The following ANKFN1 variants were observed in gnomAD, a reference collection of about 807,000 sequenced individuals.
The protein encoded by ANKFN1 is ankyrin repeat and fibronectin type-III domain-containing protein 1.
A neutral mutation model predicts 108.7 loss-of-function variants in ANKFN1; 74 were observed. The ratio of observed to expected loss-of-function variants is 0.68; its 90% CI spans 0.56 to 0.83. The LOEUF (loss-of-function observed/expected upper bound fraction) is 0.83, where lower values mean the gene tolerates loss of function less well. Ranked by LOEUF, ANKFN1 falls within the 40% of genes least tolerant of loss-of-function variation. ANKFN1 has a pLI of 0.00. For missense variants in ANKFN1, 1,505 were observed against 1,382.3 expected, an observed-to-expected ratio of 1.09 and a Z score of -1.41; for synonymous variants, 547 against 516.2, an observed-to-expected ratio of 1.06 and a Z score of -0.81.
intron 8 of ANKFN1, among the ~76,000 whole-genome samples, chr17:56,399,685 G>A (rs187473184): frequency 2.7e-4 from 41 of 151,668 alleles, no homozygotes; most frequent in Middle Eastern, 3.4e-3. Context: ...ATGCCTTTGC[G>A]TCCTGATAGC....
intron 4 of ANKFN1, among the ~76,000 whole-genome samples, chr17:56,099,395 C>G (rs149749508): frequency 1.2e-3 from 186 of 152,252 alleles, no homozygotes; most frequent in African/African-American, 4.1e-3. Flanking sequence ...TCTTAGAATT[C>G]CAAGCTTTCC....
At chr17:56,500,188 C>T (rs780555377) in intron 20 of ANKFN1, among the ~76,000 whole-genome samples, 2 of 152,142 alleles carry the variant, frequency 1.3e-5, no homozygotes, top group Non-Finnish European at 2.9e-5. Flanking sequence ...TGATGCATGT[C>T]ATATAATAGA....
At chr17:56,230,521 C>A (rs1916654737) in intron 3 of ANKFN1, among the ~76,000 whole-genome samples, 1 of 152,094 alleles carries the variant, frequency 6.6e-6, no homozygotes, top group Non-Finnish European at 1.5e-5. Flanking sequence ...CCTTGGGATT[C>A]TGGTGGCAAG....
chr17:56,390,554 A>G (rs2332648), intron 8 of ANKFN1, among the ~76,000 whole-genome samples: 88,297 of 152,062 alleles, frequency 0.58, 28,844 homozygotes, highest in East Asian at 0.96. Flanking sequence ...TCTTTTGGGT[A>G]TATACCCAGT....
At chr17:56,230,620 TTC>T (rs1376098072) in intron 3 of ANKFN1, among the ~76,000 whole-genome samples, 1 of 152,060 alleles carries the variant, frequency 6.6e-6, no homozygotes, top group Non-Finnish European at 1.5e-5. Flanking sequence ...TGCACCCACA[TTC>T]TTTCTTTTCT....
chr17:56,248,948 G>A (rs774479820), intron 3 of ANKFN1, among the ~76,000 whole-genome samples: 3 of 152,124 alleles, frequency 2.0e-5, no homozygotes, highest in Non-Finnish European at 4.4e-5. Context: ...AACTTAATCC[G>A]GCTGGAGTGA....
At chr17:56,073,055 G>C (rs1009997912) in intron 4 of ANKFN1, among the ~76,000 whole-genome samples, 2 of 151,534 alleles carry the variant, frequency 1.3e-5, no homozygotes, top group African/African-American at 4.9e-5. Flanking sequence ...TGCAGTGGCG[G>C]GATCTCGGCT....
chr17:56,348,257 A>G (rs1457669775), intron 4 of ANKFN1, among the ~76,000 whole-genome samples: 1 of 152,136 alleles, frequency 6.6e-6, no homozygotes, highest in East Asian at 1.9e-4. Flanking sequence ...AAACATACAC[A>G]TACATACACA....
intron 1 of ANKFN1, among the ~76,000 whole-genome samples, chr17:56,188,581 G>GTATATATATATATATATATATATA (rs61556880): frequency 1.2e-4 from 6 of 49,650 alleles, no homozygotes; most frequent in Admixed American, 2.8e-4. Flanking sequence ...GTGTGTGTGT[G>GTATATATATATATATATATATATA]TATATATATA....
At chr17:56,102,451 T>C (rs890719332) in intron 4 of ANKFN1, among the ~76,000 whole-genome samples, 1 of 152,212 alleles carries the variant, frequency 6.6e-6, no homozygotes, top group South Asian at 2.1e-4. Context: ...TTTACAGCAA[T>C]ATTACATAAA....
intron 4 of ANKFN1, among the ~76,000 whole-genome samples, chr17:56,331,652 C>T (rs1326549315): frequency 6.6e-6 from 1 of 152,162 alleles, no homozygotes; most frequent in African/African-American, 2.4e-5. Context: ...TCAAATCCTG[C>T]TGCTCCATTT....
At chr17:56,498,667 A>G (rs181091042) in intron 19 of ANKFN1, among the ~76,000 whole-genome samples, 107 of 152,288 alleles carry the variant, frequency 7.0e-4, no homozygotes, top group African/African-American at 2.4e-3. Flanking sequence ...TACTATTTTC[A>G]CTAAATGACA....
At chr17:56,409,647 C>G (rs923065891) in intron 8 of ANKFN1, among the ~76,000 whole-genome samples, 3 of 152,180 alleles carry the variant, frequency 2.0e-5, no homozygotes, top group African/African-American at 7.2e-5. Flanking sequence ...TTAACTGAGA[C>G]TCAAATGGAC....
At chr17:56,078,498 G>C (rs58719900) in intron 4 of ANKFN1, among the ~76,000 whole-genome samples, 1,801 of 152,242 alleles carry the variant, frequency 0.012, 36 homozygotes, top group African/African-American at 0.04. Flanking sequence ...TTTGTTAGCT[G>C]TCCATAGTCT....
At chr17:56,072,799 G>A (rs1347401087) in intron 4 of ANKFN1, among the ~76,000 whole-genome samples, 1 of 152,144 alleles carries the variant, frequency 6.6e-6, no homozygotes, top group Non-Finnish European at 1.5e-5. Flanking sequence ...TCTACAGATG[G>A]GTGAAGTGCA....
chr17:56,416,463 T>C (rs1272772399), intron 8 of ANKFN1, among the ~76,000 whole-genome samples: 1 of 152,202 alleles, frequency 6.6e-6, no homozygotes, highest in East Asian at 1.9e-4. Flanking sequence ...GCGCTCAACA[T>C]CATTGATCAT....
At chr17:56,246,808 G>A (rs1352887437) in intron 3 of ANKFN1, among the ~76,000 whole-genome samples, 1 of 151,978 alleles carries the variant, frequency 6.6e-6, no homozygotes, top group African/African-American at 2.4e-5. Flanking sequence ...AATCTGGTAC[G>A]TGAATGTTAA....
At chr17:56,208,486 G>C (rs761345936) in intron 1 of ANKFN1, among the ~76,000 whole-genome samples, 1 of 152,030 alleles carries the variant, frequency 6.6e-6, no homozygotes, top group Non-Finnish European at 1.5e-5. Context: ...GCTGTCCCCC[G>C]GGGATAAGGT....
At chr17:56,412,253 T>C (rs2048113886) in intron 8 of ANKFN1, among the ~76,000 whole-genome samples, 1 of 152,246 alleles carries the variant, frequency 6.6e-6, no homozygotes, top group Non-Finnish European at 1.5e-5. Context: ...CTAGATTATC[T>C]AATTTCTTGG....
Sources: gnomAD v4.1 joint callset for allele counts (sites outside exome capture counted in the v4.1 genomes callset) on GRCh38, gnomAD v4.1.1 for gene constraint, MANE v1.5 for transcripts, NCBI Gene and HGNC (gene_info 2026-07-23, HGNC 2026-07-21) for gene names.